ARL15: variants seen among roughly 807,000 people sequenced by gnomAD.
The protein encoded by ARL15 is ADP-ribosylation factor-like protein 15.
In ARL15, 19 loss-of-function variants were observed where a neutral mutation model predicts 25.2. The ratio of observed to expected loss-of-function variants is 0.75; its 90% CI spans 0.53 to 1.10. The LOEUF is 1.10. Among genes scored for constraint, ARL15 ranks in the 50% least tolerant of loss-of-function variants. ARL15 has a pLI of 0.00. For missense variants in ARL15, 220 were observed against 246.0 expected (o/e 0.89, Z 0.71); for synonymous variants, 94 against 86.8 (o/e 1.08, Z -0.46).
intron 4 of ARL15, among the ~76,000 whole-genome samples, chr5:53,908,097 TAA>T (rs780265368): frequency 2.6e-5 from 4 of 152,220 alleles, no homozygotes; most frequent in Non-Finnish European, 5.9e-5. Context: ...TGCTACCATA[TAA>T]AAAGATATTT....
chr5:53,915,280 T>C (rs1287336780), intron 4 of ARL15, among the ~76,000 whole-genome samples: 1 of 152,176 alleles, frequency 6.6e-6, no homozygotes, highest in Non-Finnish European at 1.5e-5. Context: ...ATTCAGTTTG[T>C]TGGGGGCTTT....
chr5:54,310,212 T>A, intron 1 of ARL15: 1 of 505,728 alleles, frequency 2.0e-6, no homozygotes, highest in Non-Finnish European at 3.5e-6. Context: ...GCAGCCGTGC[T>A]GGCCCAGGCC....
intron 4 of ARL15, among the ~76,000 whole-genome samples, chr5:53,984,456 A>G (rs1411317316): frequency 1.3e-5 from 2 of 151,976 alleles, no homozygotes; most frequent in African/African-American, 4.8e-5. Context: ...CTGGAGAGTT[A>G]CTCAATTCAG....
chr5:54,096,258 T>C (rs1327459787), intron 4 of ARL15, among the ~76,000 whole-genome samples: 1 of 152,190 alleles, frequency 6.6e-6, no homozygotes, highest in Non-Finnish European at 1.5e-5. Context: ...TGATTATCTG[T>C]TATATGTAGG....
intron 4 of ARL15, among the ~76,000 whole-genome samples, chr5:53,894,651 T>C (rs1433812136): frequency 1.3e-5 from 2 of 152,188 alleles, no homozygotes; most frequent in African/African-American, 4.8e-5. Flanking sequence ...AGTATTCCCA[T>C]ATCTGTACCC....
At chr5:54,275,150 G>T (rs1334796082) in intron 1 of ARL15, among the ~76,000 whole-genome samples, 1 of 152,190 alleles carries the variant, frequency 6.6e-6, no homozygotes. Context: ...CACACTATGT[G>T]CTCATTCAGT....
chr5:53,993,411 C>A (rs553109886), intron 4 of ARL15, among the ~76,000 whole-genome samples: 2 of 152,172 alleles, frequency 1.3e-5, no homozygotes, highest in South Asian at 4.2e-4. Context: ...GGTTCAAGAC[C>A]AGCCTGGGCA....
intron 1 of ARL15, among the ~76,000 whole-genome samples, chr5:54,277,269 C>T (rs1025897164): frequency 6.6e-6 from 1 of 151,840 alleles, no homozygotes; most frequent in African/African-American, 2.4e-5. Context: ...TGCCTCCCTC[C>T]CCCCGCAAAA....
At chr5:54,202,117 ATT>A (rs1476830932) in intron 1 of ARL15, among the ~76,000 whole-genome samples, 20 of 152,308 alleles carry the variant, frequency 1.3e-4, no homozygotes, top group African/African-American at 4.1e-4. Flanking sequence ...TATTTAACTT[ATT>A]TCTTAGGCAA....
intron 1 of ARL15, among the ~76,000 whole-genome samples, chr5:54,305,496 G>A (rs566831700): frequency 2.6e-5 from 4 of 152,038 alleles, no homozygotes; most frequent in East Asian, 1.9e-4. Flanking sequence ...TCCCCAACAC[G>A]GTACAGTAGT....
intron 4 of ARL15, among the ~76,000 whole-genome samples, chr5:54,072,646 A>C (rs946594364): frequency 9.9e-5 from 15 of 152,210 alleles, no homozygotes; most frequent in African/African-American, 3.4e-4. Flanking sequence ...AAAGCTTGGG[A>C]ATCAGCACAG....
chr5:53,886,602 T>A lies in ARL15; in HGVS notation c.574A>T (p.Asn192Tyr). The change falls in exon 5 of 5, where the codon AAT (asparagine) becomes TAT (tyrosine). Residue 192 changes from asparagine to tyrosine, a missense_variant. Physicochemically the swap from Asn to Tyr is moderately radical, Grantham distance 143. Coordinates refer to ENST00000504924, the MANE Select transcript of ARL15 (RefSeq NM_019087.3). ...ALKDSFSQLI[N>Y]LLEEKDHEAV... The stretch of plus-strand genomic sequence containing the variant: ...TCATGGTCTTTTTCTTCTAACAAAT[T>A]AATCAGCTGAGAGAAGCTGTCTTTC... 6.4e-7 allele frequency: 1 copy of A among 1,562,522 alleles called. No homozygotes were observed. Among genetic ancestry groups the A allele is most frequent in the Non-Finnish European group, 8.7e-7 (1 of 1,151,818 alleles).
intron 4 of ARL15, among the ~76,000 whole-genome samples, chr5:54,044,002 C>G (rs982111307): frequency 6.6e-6 from 1 of 151,960 alleles, no homozygotes; most frequent in Admixed American, 6.6e-5. Context: ...GAGCCTATCT[C>G]AAAACAAACA....
intron 4 of ARL15, among the ~76,000 whole-genome samples, chr5:53,964,074 A>G (rs1050422464): frequency 2.0e-5 from 3 of 152,164 alleles, no homozygotes; most frequent in African/African-American, 4.8e-5. Context: ...CCAACTGTGC[A>G]GAATACTGAA....
At chr5:53,961,488 T>G (rs998048859) in intron 4 of ARL15, among the ~76,000 whole-genome samples, 1 of 112,194 alleles carries the variant, frequency 8.9e-6, no homozygotes, top group Non-Finnish European at 1.7e-5. Context: ...ACAGAGAGAC[T>G]CTGTCTCAAA....
At chr5:54,154,764 T>C in intron 2 of ARL15, 125 bp from the exon 3 acceptor site, 5 of 577,578 alleles carry the variant, frequency 8.7e-6, no homozygotes, top group South Asian at 2.4e-5. Flanking sequence ...CTGATATTTA[T>C]ACTAGAAACA....
At chr5:54,292,307 G>C (rs1220219593) in intron 1 of ARL15, among the ~76,000 whole-genome samples, 6 of 152,028 alleles carry the variant, frequency 3.9e-5, no homozygotes, top group African/African-American at 1.5e-4. Context: ...TTAGTGCTAA[G>C]GACTAAAGGG....
chr5:54,188,640 G>A (rs3846492), intron 1 of ARL15, among the ~76,000 whole-genome samples: 20,697 of 152,096 alleles, frequency 0.14, 1,802 homozygotes, highest in Non-Finnish European at 0.2. Context: ...CCACACAAGA[G>A]GAATAAGACA....
intron 1 of ARL15, among the ~76,000 whole-genome samples, chr5:54,213,239 C>CT (rs1378513021): frequency 6.6e-6 from 1 of 152,166 alleles, no homozygotes; most frequent in African/African-American, 2.4e-5. Context: ...GGGTAGTTAA[C>CT]TTTTTTAAAA....
Sources: gnomAD v4.1 joint callset for allele counts (sites outside exome capture counted in the v4.1 genomes callset) on GRCh38, gnomAD v4.1.1 for gene constraint, MANE v1.5 for transcripts, NCBI Gene and HGNC (gene_info 2026-07-23, HGNC 2026-07-21) for gene names.